Variants in VTI1A observed in about 807,000 individuals in gnomAD.
The protein encoded by VTI1A is vesicle transport through interaction with t-SNAREs homolog 1A.
VTI1A carries 22 observed loss-of-function variants against 34.9 expected under a neutral mutation model. The observed-to-expected ratio is 0.63, with a 90% confidence interval of 0.45 to 0.90. VTI1A has a LOEUF of 0.90. Ranked by LOEUF, VTI1A falls within the 40% of genes least tolerant of loss-of-function variation. The probability of loss-of-function intolerance (pLI) is 0.00; values close to 1 mark genes in which losing one functional copy is unlikely to be tolerated. For missense variants in VTI1A, 268 were observed against 275.6 expected (o/e 0.97, Z 0.20); for synonymous variants, 87 against 97.3 (o/e 0.89, Z 0.62).
intron 7 of VTI1A, among the ~76,000 whole-genome samples, chr10:112,777,582 T>C (rs780327327): frequency 6.6e-6 from 1 of 152,228 alleles, no homozygotes; most frequent in African/African-American, 2.4e-5. Flanking sequence ...AAGACCTGCC[T>C]GGTAGAGATA....
intron 7 of VTI1A, among the ~76,000 whole-genome samples, chr10:112,776,677 A>ATTTTTTT (rs1161945456): frequency 7.6e-6 from 1 of 131,288 alleles, no homozygotes; most frequent in East Asian, 2.2e-4. Flanking sequence ...GGCTGACTTA[A>ATTTTTTT]TTTTTTTTTT....
chr10:112,661,227 CCCT>C (rs1847436990), intron 5 of VTI1A, among the ~76,000 whole-genome samples: 1 of 152,182 alleles, frequency 6.6e-6, no homozygotes, highest in African/African-American at 2.4e-5. Flanking sequence ...AAGTGATCCG[CCCT>C]CCTCGGCCTC....
chr10:112,591,657 A>C (rs982793174), intron 5 of VTI1A, among the ~76,000 whole-genome samples: 2 of 152,194 alleles, frequency 1.3e-5, no homozygotes, highest in Non-Finnish European at 2.9e-5. Flanking sequence ...TGGACATCTC[A>C]GGCTGGTGTT....
At chr10:112,707,150 C>T (rs1350280785) in intron 7 of VTI1A, among the ~76,000 whole-genome samples, 4 of 151,996 alleles carry the variant, frequency 2.6e-5, no homozygotes, top group East Asian at 1.9e-4. Context: ...TTTTTTGTGG[C>T]GCGGGGAGGG....
intron 5 of VTI1A, among the ~76,000 whole-genome samples, chr10:112,632,304 A>G (rs1846157803): frequency 6.6e-6 from 1 of 152,202 alleles, no homozygotes; most frequent in African/African-American, 2.4e-5. Flanking sequence ...TTCCATATGA[A>G]CACAAAGTAT....
intron 7 of VTI1A, among the ~76,000 whole-genome samples, chr10:112,733,735 T>TTTATG (rs1850353194): frequency 7.3e-6 from 1 of 137,636 alleles, no homozygotes; most frequent in Admixed American, 7.2e-5. Context: ...ATTATTTTAT[T>TTTATG]TTATTTTATT....
At chr10:112,769,976 G>A (rs986147086) in intron 7 of VTI1A, among the ~76,000 whole-genome samples, 2 of 152,046 alleles carry the variant, frequency 1.3e-5, no homozygotes, top group Admixed American at 1.3e-4. Flanking sequence ...TAGGCCCACT[G>A]GGGTCATATC....
intron 1 of VTI1A, 152 bp from the exon 2 acceptor site, chr10:112,460,372 G>T: frequency 1.6e-6 from 1 of 632,546 alleles, no homozygotes; most frequent in Non-Finnish European, 2.6e-6. Context: ...GCTTAAAGTG[G>T]TTTCAAACCC....
chr10:112,637,650 C>T (rs994220652), intron 5 of VTI1A, among the ~76,000 whole-genome samples: 6 of 151,602 alleles, frequency 4.0e-5, no homozygotes, highest in Non-Finnish European at 7.4e-5. Context: ...CAGGGTGAGA[C>T]TCCCATCTCA....
intron 5 of VTI1A, among the ~76,000 whole-genome samples, chr10:112,556,912 C>T (rs1851562082): frequency 6.6e-6 from 1 of 151,964 alleles, no homozygotes; most frequent in African/African-American, 2.4e-5. Context: ...AGATAAGAAA[C>T]CTGACTTTGT....
At chr10:112,580,712 G>T (rs772613680) in intron 5 of VTI1A, among the ~76,000 whole-genome samples, 8 of 152,190 alleles carry the variant, frequency 5.3e-5, no homozygotes, top group Non-Finnish European at 8.8e-5. Context: ...TGGGGAGGCA[G>T]TGAAAGGCCA....
intron 4 of VTI1A, among the ~76,000 whole-genome samples, chr10:112,530,671 T>G (rs536946575): frequency 2.6e-5 from 4 of 152,192 alleles, no homozygotes; most frequent in Non-Finnish European, 5.9e-5. Context: ...ATTTAGCAGA[T>G]AATGATTGCT....
intron 1 of VTI1A, among the ~76,000 whole-genome samples, chr10:112,457,364 G>A (rs1039852826): frequency 5.9e-5 from 9 of 152,206 alleles, no homozygotes; most frequent in Admixed American, 5.2e-4. Flanking sequence ...GCCAAGCTCA[G>A]TATAGTGTAG....
chr10:112,735,062 A>G (rs571181229), intron 7 of VTI1A, among the ~76,000 whole-genome samples: 1 of 152,352 alleles, frequency 6.6e-6, no homozygotes, highest in Admixed American at 6.5e-5. Flanking sequence ...TAAAATAGTA[A>G]TTATTTTTAT....
At chr10:112,528,824 G>T (rs1850330522) in intron 4 of VTI1A, among the ~76,000 whole-genome samples, 2 of 152,124 alleles carry the variant, frequency 1.3e-5, no homozygotes, top group African/African-American at 4.8e-5. Context: ...GTCTAACTCA[G>T]ACTCCTTTAT....
intron 5 of VTI1A, among the ~76,000 whole-genome samples, chr10:112,596,931 CAT>C (rs1366123482): frequency 2.6e-5 from 4 of 152,120 alleles, no homozygotes; most frequent in African/African-American, 9.7e-5. Flanking sequence ...GAAGTATTGA[CAT>C]GTGAATTTGA....
At chr10:112,567,298 GGATTACAGGTGT>G (rs1851941204) in intron 5 of VTI1A, among the ~76,000 whole-genome samples, 1 of 152,094 alleles carries the variant, frequency 6.6e-6, no homozygotes, top group Non-Finnish European at 1.5e-5. Context: ...CAAAGTGCTG[GGATTACAGGTGT>G]GAACCACTGC....
Position 112,594,360 on chromosome 10 carries a change from G to A in VTI1A, c.427+56030G>A, listed in dbSNP as rs540909529. On this transcript the variant is annotated intron_variant, in intron 5 of 7. Coordinates refer to ENST00000393077, the MANE Select transcript of VTI1A (RefSeq NM_145206.4). ...TAAAGGGTATTCAATTAGGAAAAGA[G>A]GAAGTCAAATTGTCACTGTTCACAG... 1.4e-3 allele frequency among the ~76,000 whole-genome samples: 210 copies of A among 152,274 alleles called. 1 individual carries two copies. The highest frequency in any genetic ancestry group is 4.8e-3 in the African/African-American group (200 of 41,530).
chr10:112,625,652 A>AAAAAAAAAAAAAAT (rs1845895939), intron 5 of VTI1A, among the ~76,000 whole-genome samples: 1 of 148,626 alleles, frequency 6.7e-6, no homozygotes, highest in Admixed American at 6.7e-5. Context: ...AAAAAAAAAA[A>AAAAAAAAAAAAAAT]GGAAAACCAA....
Sources: allele counts gnomAD v4.1 joint callset (sites outside exome capture counted in the v4.1 genomes callset), GRCh38; gene constraint gnomAD v4.1.1; transcripts MANE v1.5; gene names NCBI Gene and HGNC (gene_info 2026-07-23, HGNC 2026-07-21).